HUWE1: variants seen among roughly 807,000 people sequenced by gnomAD.
The protein encoded by HUWE1 is HECT, UBA and WWE domain containing E3 ubiquitin protein ligase 1, also known as E3 ubiquitin-protein ligase HUWE1.
In HUWE1, 18 loss-of-function variants were observed where a neutral mutation model predicts 299.4. The observed-to-expected ratio is 0.06, with a 90% CI of 0.04 to 0.09. The LOEUF is 0.09. HUWE1 is among the 10% of genes least tolerant of loss of function. The probability of loss-of-function intolerance (pLI) is 1.00; values close to 1 mark genes in which losing one functional copy is unlikely to be tolerated. For missense variants in HUWE1, 1,832 were observed against 3,462.3 expected, an observed-to-expected ratio of 0.53 and a Z score of 11.82; for synonymous variants, 1,317 against 1,286.1, an observed-to-expected ratio of 1.02 and a Z score of -0.51.
chrX:53,567,430 C>G (rs1455313932), intron 49 of HUWE1, among the ~76,000 whole-genome samples: 2 of 111,541 alleles, frequency 1.8e-5, no homozygotes, highest in African/African-American at 6.5e-5. Flanking sequence ...AATTCAATCA[C>G]TAGTTTCAAA....
intron 82 of HUWE1, 137 bp from the exon 83 acceptor site, chrX:53,534,334 T>C: frequency 1.4e-6 from 1 of 694,978 alleles, no homozygotes; most frequent in Non-Finnish European, 2.2e-6. Context: ...TTAGCTCCTT[T>C]CATTCATAAG....
intron 80 of HUWE1, 31 bp downstream of exon 80, chrX:53,536,116 G>A (rs375524136): frequency 4.3e-6 from 4 of 934,437 alleles, no homozygotes; most frequent in Non-Finnish European, 6.2e-6. Context: ...GATTGGCTGG[G>A]ATGTGCTGTG....
At chrX:53,607,341 C>T (rs1603054604) in intron 25 of HUWE1, among the ~76,000 whole-genome samples, 182 bp downstream of exon 25, 1 of 112,427 alleles carries the variant, frequency 8.9e-6, no homozygotes, top group Admixed American at 9.4e-5. Flanking sequence ...AATACTTTGA[C>T]TTTTCAATGA....
chrX:53,598,317 G>A lies in HUWE1; in HGVS notation c.3163+1801C>T, dbSNP rs782117918. On this transcript the variant is annotated intron_variant, in intron 29 of 83. Coordinates refer to ENST00000262854, the MANE Select transcript of HUWE1 (RefSeq NM_031407.7). ...AAACGGTGGAAGAAAAATTGGTATTGTACAGACACATTTTTAGAGAAATGA... is the reference window on the plus strand; with the variant it reads ...AAACGGTGGAAGAAAAATTGGTATTATACAGACACATTTTTAGAGAAATGA... Among the ~76,000 whole-genome samples the A allele has an allele frequency of 5.4e-5, 6 of 112,131 alleles. No individual in the cohort carries two copies. In the South Asian group the frequency reaches 2.3e-3, roughly 42 times the overall value.
At chrX:53,675,138 T>C (rs1557050673) in intron 3 of HUWE1, among the ~76,000 whole-genome samples, 1 of 110,775 alleles carries the variant, frequency 9.0e-6, no homozygotes, top group Non-Finnish European at 1.9e-5. Flanking sequence ...ACTACCTGGG[T>C]ATGGGAGCCT....
In HUWE1 at chrX:53,585,260, T is replaced by G. The variant is rs1967653448; in HGVS notation, c.4825-72A>C. On this transcript the variant is annotated intron_variant, in intron 39 of 83. Coordinates refer to ENST00000262854, the MANE Select transcript of HUWE1 (RefSeq NM_031407.7). The stretch of plus-strand genomic sequence containing the variant: ...TTAGAAGAAATAGTAACTTCATCAG[T>G]GTTCACTGCTAAAACTCACCCAGGA... 2.9e-6 allele frequency: 3 copies of G among 1,034,771 alleles called. No individual in the cohort carries two copies. In the Admixed American group the frequency reaches 6.8e-5, roughly 24 times the overall value. The allele number at this position is 1,034,771 out of a possible 1,213,427, so 85.3% of individuals were successfully genotyped here.
At chrX:53,542,891 G>A (rs868962156) in intron 73 of HUWE1, 3 of 165,908 alleles carry the variant, frequency 1.8e-5, no homozygotes, top group Non-Finnish European at 3.3e-5. Flanking sequence ...GTGTGTGTGT[G>A]TATAAAAAAT....
At position 53,536,406 on chromosome X, in the gene HUWE1, G is replaced by A; in HGVS notation, c.12399C>T (p.Tyr4133=). ...TGACTGACTTGCCCAAGATGTGTTT[G>A]TAAAAGGATCGAGTAAAGTAGCACT... ...LLECYFTRSF[Y]KHILGKSVRY... is the part of the protein sequence containing the mutation. The change falls in exon 79 of 84, where the codon TAC becomes TAT. Residue 4133 remains tyrosine (Y), a synonymous_variant. Transcript: ENST00000262854. The A allele has an allele frequency of 8.3e-7, 1 of 1,211,217 alleles. No individual in the cohort carries two copies. Among genetic ancestry groups the A allele is most frequent in the Non-Finnish European group, 1.1e-6 (1 of 895,290 alleles).
In HUWE1 at chrX:53,537,481, T is replaced by C. The variant is rs1367443214; in HGVS notation, c.12137+75A>G. ...GGCAGCACCTCCCTAAATTTGAGGC[T>C]AGAGCAAGCCATCGCTACTGTGCAG... On this transcript the variant is annotated intron_variant, in intron 78 of 83. Transcript: ENST00000262854. 57 of 1,090,191 alleles carry C rather than the reference T, an allele frequency of 5.2e-5. No homozygotes were observed. The South Asian group carries it at 1.1e-3, about 20-fold the overall frequency. 89.8% of individuals were successfully genotyped at this position (1,090,191 alleles called of 1,213,427 possible).
At chrX:53,654,338 C>G (rs2149353641) in intron 3 of HUWE1, among the ~76,000 whole-genome samples, 1 of 112,003 alleles carries the variant, frequency 8.9e-6, no homozygotes, top group Non-Finnish European at 1.9e-5. Context: ...GCCCACATCC[C>G]TATGTTGCAC....
chrX:53,558,859 G>A (rs782655722), intron 58 of HUWE1, 50 bp from the exon 59 acceptor site: 16 of 1,191,928 alleles, frequency 1.3e-5, no homozygotes, highest in Non-Finnish European at 1.8e-5. Context: ...GGTCAGGGAG[G>A]AAGCCAAGAG....
At chrX:53,616,195 G>C (rs1483567828) in intron 21 of HUWE1, among the ~76,000 whole-genome samples, 1 of 109,940 alleles carries the variant, frequency 9.1e-6, no homozygotes, top group African/African-American at 3.3e-5. Context: ...GTGCCACTGT[G>C]CCAGGCCAGG....
chrX:53,665,985 G>A (rs7879923), intron 3 of HUWE1, among the ~76,000 whole-genome samples: 13,034 of 110,809 alleles, frequency 0.12, 1,899 homozygotes, highest in African/African-American at 0.41. Context: ...TGAGACCTCC[G>A]TCTCTACAAA....
chrX:53,575,588 C>T (rs1569459165), intron 45 of HUWE1, 55 bp downstream of exon 45: 1 of 1,116,999 alleles, frequency 9.0e-7, no homozygotes, highest in Non-Finnish European at 1.2e-6. Context: ...ATACTGAGAC[C>T]ACACAGGCAT....
intron 3 of HUWE1, among the ~76,000 whole-genome samples, chrX:53,666,152 CTT>C (rs2069243244): frequency 9.0e-6 from 1 of 111,498 alleles, no homozygotes; most frequent in Non-Finnish European, 1.9e-5. Flanking sequence ...TCACCCGAGA[CTT>C]ATTTTGAAAA....
chrX:53,646,605 A>G (rs920192491), intron 6 of HUWE1, among the ~76,000 whole-genome samples: 9 of 112,043 alleles, frequency 8.0e-5, no homozygotes, highest in African/African-American at 2.9e-4. Flanking sequence ...CATGGGCAGC[A>G]TATCTATTTC....
chrX:53,648,360 C>CA, intron 4 of HUWE1, 50 bp from the exon 5 acceptor site: 1 of 758,165 alleles, frequency 1.3e-6, no homozygotes, highest in Non-Finnish European at 2.0e-6. Context: ...GAGGGAGTTG[C>CA]AAATAAGGAG....
Position 53,568,746 on chromosome X carries a change from T to C in HUWE1, c.6653A>G (p.Lys2218Arg). Residue 2218 changes from lysine (K) to arginine (R), a missense_variant, in exon 49 of 84, where the codon AAG becomes AGG. By Grantham distance (26) the Lys-to-Arg change is conservative (BLOSUM62 2). This residue lies in a region of HUWE1 where 157 missense variants were observed against 252.3 expected (regional missense o/e 0.62). Coordinates refer to ENST00000262854, the MANE Select transcript of HUWE1 (RefSeq NM_031407.7). ...GMNNIIRLFL[K>R]KGLVNDLARV... The stretch of plus-strand genomic sequence containing the variant: ...GGCCAGGTCATTAACCAGTCCCTTC[T>C]TCAGGAAAAGCCGAATGATGTTGTT... The C allele has an allele frequency of 9.1e-6, 11 of 1,211,568 alleles. No individual in the cohort carries two copies. The highest frequency in any genetic ancestry group is 1.0e-5 in the Non-Finnish European group (9 of 895,348).
At chrX:53,564,959 A>T in intron 50 of HUWE1, 108 bp downstream of exon 50, 1 of 910,891 alleles carries the variant, frequency 1.1e-6, no homozygotes, top group Non-Finnish European at 1.6e-6. Context: ...AGATCTCTGG[A>T]AGGCCAGCAA....
Sources: allele counts gnomAD v4.1 joint callset (sites outside exome capture counted in the v4.1 genomes callset), GRCh38; gene constraint gnomAD v4.1.1; regional missense constraint gnomAD v4.1.1; transcripts MANE v1.5; gene names NCBI Gene and HGNC (gene_info 2026-07-23, HGNC 2026-07-21).